The following RNF135 variants were observed in gnomAD, a reference collection of about 807,000 sequenced individuals.
The protein encoded by RNF135 is E3 ubiquitin-protein ligase RNF135.
A neutral mutation model predicts 41.9 loss-of-function variants in RNF135; 46 were observed. The ratio of observed to expected loss-of-function variants is 1.10; its 90% confidence interval spans 0.87 to 1.40. RNF135 has a LOEUF of 1.40. Among genes scored for constraint, RNF135 ranks in the 40% most tolerant of loss-of-function variants. RNF135 has a pLI of 0.00. For synonymous variants in RNF135, 238 were observed against 223.8 expected (o/e 1.06, Z -0.57); for missense variants, 539 against 549.8 (o/e 0.98, Z 0.20).
the RNF135 span, among the ~76,000 whole-genome samples, chr17:30,961,687 C>T: frequency 3.7e-3 from 568 of 152,158 alleles, 7 homozygotes; most frequent in African/African-American, 0.013. Context: ...TGCTCTCAAA[C>T]TCCCGACCTC....
chr17:30,991,785 T>C (rs1908008211), intron 3 of RNF135, among the ~76,000 whole-genome samples: 1 of 152,176 alleles, frequency 6.6e-6, no homozygotes, highest in African/African-American at 2.4e-5. Flanking sequence ...CTTTTAAAAA[T>C]TGACATTTAG....
intron 1 of RNF135, among the ~76,000 whole-genome samples, chr17:30,981,004 AG>A (rs1446960742): frequency 6.8e-6 from 1 of 146,702 alleles, no homozygotes; most frequent in Non-Finnish European, 1.5e-5. Context: ...TGGGAGGCCA[AG>A]GCAGGCGGCT....
intron 2 of RNF135, among the ~76,000 whole-genome samples, chr17:30,986,199 A>G (rs1907572546): frequency 6.7e-6 from 1 of 150,230 alleles, no homozygotes; most frequent in Non-Finnish European, 1.5e-5. Context: ...CTTCAGGAGG[A>G]TAGGGACTTT....
At chr17:30,967,279 C>G (rs1357515627), upstream of RNF135, among the ~76,000 whole-genome samples, 1 of 152,140 alleles carries the variant, frequency 6.6e-6, no homozygotes, top group Non-Finnish European at 1.5e-5. Context: ...TTCCGCTCAC[C>G]TTGGCCTCTC....
chr17:30,993,871 C>T, intron 3 of RNF135: 2 of 708,368 alleles, frequency 2.8e-6, no homozygotes, highest in Non-Finnish European at 4.8e-6. Flanking sequence ...AGTGCAGTGG[C>T]ACAATCACTG....
intron 2 of RNF135, 144 bp from the exon 3 acceptor site, chr17:30,987,800 A>G (rs1393708150): frequency 1.4e-6 from 1 of 729,806 alleles, no homozygotes; most frequent in African/African-American, 1.8e-5. Context: ...TTCAAGGCAT[A>G]TTTTTTGAGG....
At chr17:30,988,691 G>A (rs1199370632) in intron 3 of RNF135, among the ~76,000 whole-genome samples, 2 of 150,678 alleles carry the variant, frequency 1.3e-5, no homozygotes, top group African/African-American at 4.9e-5. Flanking sequence ...CTCCCAAAGT[G>A]TTGGGATTAC....
At chr17:30,962,135 A>G in the RNF135 span, among the ~76,000 whole-genome samples, 1 of 145,732 alleles carries the variant, frequency 6.9e-6, no homozygotes, top group Non-Finnish European at 1.5e-5. Flanking sequence ...TCTATGCTGC[A>G]CTTTTTTTTT....
At chr17:30,983,353 A>ATATTTTTTTTTTTT (rs1420453160) in intron 1 of RNF135, among the ~76,000 whole-genome samples, 1 of 35,744 alleles carries the variant, frequency 2.8e-5, no homozygotes, top group African/African-American at 9.1e-5. Flanking sequence ...ATATATATAT[A>ATATTTTTTTTTTTT]TTTTTTTTTT....
chr17:30,983,344 TATATATA>T (rs1195534313), intron 1 of RNF135, among the ~76,000 whole-genome samples: 1,217 of 35,704 alleles, frequency 0.034, 27 homozygotes, highest in Non-Finnish European at 0.056. Context: ...TATATATATA[TATATATA>T]TATTTTTTTT....
At chr17:30,969,921 C>T (rs914670478), upstream of RNF135, among the ~76,000 whole-genome samples, 1 of 151,868 alleles carries the variant, frequency 6.6e-6, no homozygotes, top group Non-Finnish European at 1.5e-5. Flanking sequence ...TGCGCCAGGG[C>T]GCCTGGCTTT....
chr17:30,999,125 C>T lies in RNF135; in HGVS notation c.1233C>T (p.Tyr411=). Residue 411 remains tyrosine, a synonymous_variant, in exon 5 of 5, where the codon TAC becomes TAT. Transcript: ENST00000328381. ...ECTISASSPL[Y]PAFWLYGLHP... ...CCATCTCTGCCTCCTCTCCTTTGTA[C>T]CCTGCCTTCTGGCTGTATGGCTTAC... The T allele has an allele frequency of 6.2e-7, 1 of 1,614,136 alleles. No homozygotes were observed. The highest frequency in any genetic ancestry group is 8.5e-7 in the Non-Finnish European group (1 of 1,180,034).
chr17:30,974,965 A>G (rs1459860467), intron 1 of RNF135, among the ~76,000 whole-genome samples: 4 of 152,074 alleles, frequency 2.6e-5, no homozygotes, highest in Non-Finnish European at 5.9e-5. Flanking sequence ...GGCATGAGCC[A>G]CTGTGCCAGG....
intron 1 of RNF135, among the ~76,000 whole-genome samples, chr17:30,977,818 C>T (rs1191027743): frequency 6.6e-6 from 1 of 152,206 alleles, no homozygotes; most frequent in Non-Finnish European, 1.5e-5. Flanking sequence ...ATCCACCCGC[C>T]GTGGCCTCCC....
intron 1 of RNF135, among the ~76,000 whole-genome samples, chr17:30,979,864 C>G (rs1248353524): frequency 7.5e-6 from 1 of 133,546 alleles, no homozygotes; most frequent in Non-Finnish European, 1.6e-5. Context: ...GGGGGCTGAC[C>G]CCCCCACCTC....
At position 30,981,763 on chromosome 17, in the gene RNF135, G is replaced by A. The variant is rs1298414808; in HGVS notation, c.373-2854G>A. Reference sequence around the variant, plus strand: ...ATCTAAGCCGTATCTGCATTAGGGGGCACCCCAAGCCCAGTAAAGCTGTGA... The same window carrying A: ...ATCTAAGCCGTATCTGCATTAGGGGACACCCCAAGCCCAGTAAAGCTGTGA... On this transcript the variant is annotated intron_variant, in intron 1 of 4. Coordinates refer to ENST00000328381, the MANE Select transcript of RNF135 (RefSeq NM_032322.4). 2.0e-5 allele frequency among the ~76,000 whole-genome samples: 3 copies of A among 152,332 alleles called. No individual in the cohort carries two copies. The East Asian group carries it at 5.8e-4, about 29-fold the overall frequency.
chr17:30,971,090 T>A lies in RNF135; in HGVS notation c.17T>A (p.Leu6Gln). ...CTGTTGGCCATGGCGGGCCTGGGCC[T>A]GGGCTCCGCCGTTCCCGTGTGGCTG... MAGLG[L>Q]GSAVPVWLAE... Residue 6 changes from leucine (L) to glutamine (Q), a missense_variant, in exon 1 of 5, where the codon CTG becomes CAG. Physicochemically the swap from Leu to Gln is moderately radical, Grantham distance 113. Coordinates refer to ENST00000328381, the MANE Select transcript of RNF135 (RefSeq NM_032322.4). 6.5e-7 allele frequency: 1 copy of A among 1,534,282 alleles called. No homozygotes were observed. Among genetic ancestry groups the A allele is most frequent in the Non-Finnish European group, 8.7e-7 (1 of 1,146,100 alleles).
At position 30,971,096 on chromosome 17, in the gene RNF135, C is replaced by T. The variant is rs1314193187; in HGVS notation, c.23C>T (p.Ser8Phe). The change falls in exon 1 of 5, where the codon TCC (serine) becomes TTC (phenylalanine). Residue 8 changes from serine (S) to phenylalanine (F), a missense_variant. By Grantham distance (155) the Ser-to-Phe change is radical (BLOSUM62 -2). Transcript: ENST00000328381. ...GCCATGGCGGGCCTGGGCCTGGGCTCCGCCGTTCCCGTGTGGCTGGCCGAG... is the reference window on the plus strand; with the variant it reads ...GCCATGGCGGGCCTGGGCCTGGGCTTCGCCGTTCCCGTGTGGCTGGCCGAG... MAGLGLG[S>F]AVPVWLAEDD... 2 of 1,534,356 alleles carry T rather than the reference C, an allele frequency of 1.3e-6. No homozygotes were observed. Among genetic ancestry groups the T allele is most frequent in the Non-Finnish European group, 1.7e-6 (2 of 1,146,126 alleles).
upstream of RNF135, among the ~76,000 whole-genome samples, chr17:30,965,990 GTGACTTC>G (rs1905535872): frequency 1.3e-5 from 2 of 152,288 alleles, no homozygotes; most frequent in South Asian, 4.1e-4. Context: ...CACAAATCTT[GTGACTTC>G]TGGCTACATA....
Sources: gnomAD v4.1 joint callset for allele counts (sites outside exome capture counted in the v4.1 genomes callset) on GRCh38, gnomAD v4.1.1 for gene constraint, MANE v1.5 for transcripts, NCBI Gene and HGNC (gene_info 2026-07-23, HGNC 2026-07-21) for gene names.